SHISA6: variants seen among roughly 807,000 people sequenced by gnomAD.
The protein encoded by SHISA6 is protein shisa-6.
A neutral mutation model predicts 47.9 loss-of-function variants in SHISA6; 22 were observed. The ratio of observed to expected loss-of-function variants is 0.46; its 90% CI spans 0.33 to 0.66. The LOEUF (loss-of-function observed/expected upper bound fraction) is 0.66, where lower values mean the gene tolerates loss of function less well. Ranked by LOEUF, SHISA6 falls within the 30% of genes least tolerant of loss-of-function variation. The pLI is 0.02. For missense variants in SHISA6, 680 were observed against 764.6 expected, an observed-to-expected ratio of 0.89 and a Z score of 1.30; for synonymous variants, 388 against 337.8, an observed-to-expected ratio of 1.15 and a Z score of -1.63.
chr17:11,270,783 C>T (rs374281700), intron 2 of SHISA6, among the ~76,000 whole-genome samples: 6 of 152,186 alleles, frequency 3.9e-5, no homozygotes, highest in South Asian at 2.1e-4. Context: ...ATCTTCCATG[C>T]GGTATTTCCT....
At chr17:11,283,661 T>A (rs1406759847) in intron 2 of SHISA6, among the ~76,000 whole-genome samples, 1 of 152,210 alleles carries the variant, frequency 6.6e-6, no homozygotes, top group South Asian at 2.1e-4. Flanking sequence ...CAGTAAATAT[T>A]TTCTAATGCA....
At chr17:11,533,205 C>A (rs1420169326) in intron 3 of SHISA6, among the ~76,000 whole-genome samples, 1 of 152,142 alleles carries the variant, frequency 6.6e-6, no homozygotes, top group Non-Finnish European at 1.5e-5. Context: ...GTTATGGAGA[C>A]CTCAGAGCTG....
intron 2 of SHISA6, among the ~76,000 whole-genome samples, chr17:11,335,167 C>T (rs920837424): frequency 2.0e-5 from 3 of 152,196 alleles, no homozygotes; most frequent in East Asian, 1.9e-4. Context: ...CAAAGATACT[C>T]GCAACCCATA....
At chr17:11,309,411 T>C (rs555614801) in intron 2 of SHISA6, among the ~76,000 whole-genome samples, 81 of 152,350 alleles carry the variant, frequency 5.3e-4, no homozygotes, top group Middle Eastern at 3.4e-3. Context: ...ATGTGGAACC[T>C]GTATCTATTC....
At chr17:11,488,205 T>G (rs1916398092) in intron 3 of SHISA6, among the ~76,000 whole-genome samples, 1 of 152,054 alleles carries the variant, frequency 6.6e-6, no homozygotes. Context: ...TGTCTGCGAA[T>G]TGGCCCTGAG....
At chr17:11,416,138 G>T (rs1914273336) in intron 3 of SHISA6, among the ~76,000 whole-genome samples, 1 of 152,126 alleles carries the variant, frequency 6.6e-6, no homozygotes, top group South Asian at 2.1e-4. Flanking sequence ...ACCTCCAGAT[G>T]CCATCACATT....
At position 11,324,216 on chromosome 17, in the gene SHISA6, G is replaced by A. The variant is rs79194527; in HGVS notation, c.800-55198G>A. 5.7e-4 allele frequency among the ~76,000 whole-genome samples: 87 copies of A among 152,278 alleles called. No homozygotes were observed. In the East Asian group the frequency reaches 0.017, roughly 29 times the overall value. On this transcript the variant is annotated intron_variant, in intron 2 of 5. Coordinates refer to ENST00000441885, the MANE Select transcript of SHISA6 (RefSeq NM_207386.4). ...ATGCAAGTGTGTCAGACTGGCACACGTAGGCTGTCGAGTCTGATGCCCATA... is the reference window on the plus strand; with the variant it reads ...ATGCAAGTGTGTCAGACTGGCACACATAGGCTGTCGAGTCTGATGCCCATA...
chr17:11,329,256 G>A (rs1171528852), intron 2 of SHISA6, among the ~76,000 whole-genome samples: 1 of 152,180 alleles, frequency 6.6e-6, no homozygotes, highest in Non-Finnish European at 1.5e-5. Flanking sequence ...GCTGCTCATG[G>A]ACTGCTGAAC....
At chr17:11,503,400 A>AG (rs1305635936) in intron 3 of SHISA6, among the ~76,000 whole-genome samples, 1 of 104,878 alleles carries the variant, frequency 9.5e-6, no homozygotes, top group Non-Finnish European at 1.9e-5. Context: ...TGGAGAGTGG[A>AG]GGTGGGGGTG....
rs776602485 is a variant in SHISA6 at position 11,557,736 on chromosome 17, T to G, written c.1106-18T>G. The G allele has an allele frequency of 6.3e-5, 96 of 1,518,988 alleles. No individual in the cohort carries two copies. Among genetic ancestry groups the G allele is most frequent in the Non-Finnish European group, 8.4e-5 (95 of 1,129,908 alleles). 94.1% of individuals were successfully genotyped at this position (1,518,988 alleles called of 1,614,324 possible). On this transcript the variant is annotated intron_variant, in intron 5 of 5. Coordinates refer to ENST00000441885, the MANE Select transcript of SHISA6 (RefSeq NM_207386.4). ...GGTCACCCCAGTTGCCTTCTCTCACTCTGTCTCTCCCCTGCAGCCGACAAG... is the reference window on the plus strand; with the variant it reads ...GGTCACCCCAGTTGCCTTCTCTCACGCTGTCTCTCCCCTGCAGCCGACAAG...
rs544058957 is a variant in SHISA6, at chr17:11,503,499, C to A, written c.896-48397C>A. Among the ~76,000 whole-genome samples, 34 of 152,204 alleles carry A rather than the reference C, an allele frequency of 2.2e-4. 1 individual carries two copies. The highest frequency in any genetic ancestry group is 1.9e-3 in the Admixed American group (29 of 15,302). On this transcript the variant is annotated intron_variant, in intron 3 of 5. Transcript: ENST00000441885. ...CACTAAGATTCTTGAAAAATGCTGT[C>A]CCATTGTCCATACTGACTCCTGCTG... is the stretch of plus-strand genomic sequence containing the variant.
chr17:11,316,155 G>GA (rs1910505870), intron 2 of SHISA6, among the ~76,000 whole-genome samples: 1 of 123,492 alleles, frequency 8.1e-6, no homozygotes, highest in Non-Finnish European at 1.9e-5. Flanking sequence ...TGAACATAGT[G>GA]TTTTTAAAAA....
intron 3 of SHISA6, among the ~76,000 whole-genome samples, chr17:11,395,513 C>CTTTTTTTT (rs886287303): frequency 8.5e-6 from 1 of 117,372 alleles, no homozygotes; most frequent in Non-Finnish European, 1.8e-5. Flanking sequence ...GGCAGTTTTA[C>CTTTTTTTT]TTTTTTTTTT....
At chr17:11,331,261 C>T (rs1392930396) in intron 2 of SHISA6, among the ~76,000 whole-genome samples, 5 of 152,168 alleles carry the variant, frequency 3.3e-5, no homozygotes, top group Admixed American at 6.5e-5. Flanking sequence ...TAAGACATTC[C>T]TTTGGAAAAG....
chr17:11,297,756 A>G (rs901825165), intron 2 of SHISA6, among the ~76,000 whole-genome samples: 4 of 152,244 alleles, frequency 2.6e-5, no homozygotes, highest in Non-Finnish European at 5.9e-5. Context: ...ATCCAAGTGT[A>G]GCAGTATCTT....
intron 3 of SHISA6, among the ~76,000 whole-genome samples, chr17:11,420,900 G>C (rs1435636943): frequency 6.6e-6 from 1 of 152,182 alleles, no homozygotes; most frequent in Non-Finnish European, 1.5e-5. Flanking sequence ...GCAGGAGGTA[G>C]GATTCTGTCT....
At chr17:11,332,797 T>C (rs1482316952) in intron 2 of SHISA6, among the ~76,000 whole-genome samples, 2 of 152,156 alleles carry the variant, frequency 1.3e-5, no homozygotes, top group African/African-American at 4.8e-5. Context: ...TAGGAAACAA[T>C]TCCAATAAAT....
intron 2 of SHISA6, among the ~76,000 whole-genome samples, chr17:11,369,026 GA>G (rs1200969197): frequency 6.6e-6 from 1 of 152,200 alleles, no homozygotes; most frequent in African/African-American, 2.4e-5. Flanking sequence ...TACAGATGAA[GA>G]TAATTTAGAA....
At chr17:11,378,528 A>G (rs7208605) in intron 2 of SHISA6, among the ~76,000 whole-genome samples, 31,121 of 152,176 alleles carry the variant, frequency 0.2, 3,382 homozygotes, top group Middle Eastern at 0.28. Context: ...TTTCACATGT[A>G]CATACTTTAG....
Sources: allele counts gnomAD v4.1 joint callset (sites outside exome capture counted in the v4.1 genomes callset), GRCh38; gene constraint gnomAD v4.1.1; transcripts MANE v1.5; gene names NCBI Gene and HGNC (gene_info 2026-07-23, HGNC 2026-07-21).